Variants in ROBO2 observed in about 807,000 individuals in gnomAD.
ROBO2 encodes roundabout guidance receptor 2, also known as roundabout homolog 2.
In ROBO2, 53 loss-of-function variants were observed where a neutral mutation model predicts 160.8. The observed-to-expected ratio is 0.33, with a 90% CI of 0.26 to 0.41. ROBO2 has a LOEUF of 0.41. Ranked by LOEUF, ROBO2 falls within the 10% of genes least tolerant of loss-of-function variation. The pLI is 1.00. For synonymous variants in ROBO2, 664 were observed against 611.7 expected, an observed-to-expected ratio of 1.09 and a Z score of -1.26; for missense variants, 1,577 against 1,722.4, an observed-to-expected ratio of 0.92 and a Z score of 1.49.
intron 2 of ROBO2, among the ~76,000 whole-genome samples, chr3:76,193,602 A>G (rs1575817224): frequency 1.3e-5 from 2 of 152,170 alleles, no homozygotes; most frequent in African/African-American, 4.8e-5. Flanking sequence ...GTAGAAAATA[A>G]TTTGTTCATT....
intron 2 of ROBO2, among the ~76,000 whole-genome samples, chr3:76,132,432 C>T (rs991192367): frequency 2.0e-5 from 3 of 149,100 alleles, no homozygotes; most frequent in East Asian, 2.0e-4. Context: ...GCATAAACCA[C>T]GTTTGTCCAA....
At chr3:76,103,413 A>G (rs2069784621) in intron 2 of ROBO2, among the ~76,000 whole-genome samples, 1 of 152,186 alleles carries the variant, frequency 6.6e-6, no homozygotes, top group East Asian at 1.9e-4. Context: ...TTTCTAACTG[A>G]AGAAAACAGA....
chr3:76,155,620 G>T (rs915149281), intron 2 of ROBO2, among the ~76,000 whole-genome samples: 1 of 152,132 alleles, frequency 6.6e-6, no homozygotes, highest in African/African-American at 2.4e-5. Context: ...CCATGAAAGC[G>T]TTTTCTAGGA....
intron 2 of ROBO2, among the ~76,000 whole-genome samples, chr3:76,478,680 GTTTTTTTTTTTT>G (rs1042265916): frequency 8.3e-6 from 1 of 120,928 alleles, no homozygotes; most frequent in African/African-American, 3.1e-5. Context: ...TTTTTTCTCT[GTTTTTTTTTTTT>G]TTTTTTTGAG....
intron 2 of ROBO2, among the ~76,000 whole-genome samples, chr3:77,328,997 G>A (rs756878088): frequency 7.9e-5 from 12 of 152,108 alleles, no homozygotes; most frequent in Non-Finnish European, 1.5e-4. Flanking sequence ...TTTTCCTTGC[G>A]TTCTCTTGTC....
chr3:76,790,352 A>G (rs1024402285), intron 2 of ROBO2, among the ~76,000 whole-genome samples: 3 of 151,710 alleles, frequency 2.0e-5, no homozygotes, highest in Non-Finnish European at 4.4e-5. Flanking sequence ...GGAGTTGCAG[A>G]GTACGTTTTC....
intron 2 of ROBO2, among the ~76,000 whole-genome samples, chr3:75,983,423 T>C (rs1436640327): frequency 6.6e-6 from 1 of 151,424 alleles, no homozygotes; most frequent in Non-Finnish European, 1.5e-5. Flanking sequence ...ACTTAAAATA[T>C]TCTTTAGTTT....
chr3:76,884,116 T>C (rs867371070), intron 2 of ROBO2, among the ~76,000 whole-genome samples: 43 of 152,348 alleles, frequency 2.8e-4, no homozygotes, highest in African/African-American at 1.0e-3. Context: ...CTTCATATGC[T>C]TTTTTGATAG....
At chr3:77,515,080 T>A (rs928426674) in intron 5 of ROBO2, among the ~76,000 whole-genome samples, 1 of 151,808 alleles carries the variant, frequency 6.6e-6, no homozygotes, top group African/African-American at 2.4e-5. Context: ...ATTTTGAAGT[T>A]ACTTAGACAT....
chr3:76,521,124 C>A (rs1023740871), intron 2 of ROBO2, among the ~76,000 whole-genome samples: 1 of 149,000 alleles, frequency 6.7e-6, no homozygotes, highest in African/African-American at 2.5e-5. Context: ...TCTCAACTCA[C>A]CGCAACCTTT....
intron 2 of ROBO2, among the ~76,000 whole-genome samples, chr3:77,212,261 T>C (rs575039058): frequency 1.1e-3 from 173 of 152,330 alleles, no homozygotes; most frequent in African/African-American, 3.9e-3. Context: ...TGAGCAGTGC[T>C]TTGTAGTTCT....
intron 2 of ROBO2, chr3:76,311,562 AGCT>A (rs2071587740): frequency 6.6e-6 from 1 of 152,244 alleles, no homozygotes. Flanking sequence ...CGTTGCAGAT[AGCT>A]AGAAAGAAGA....
intron 2 of ROBO2, among the ~76,000 whole-genome samples, chr3:76,290,686 G>A (rs1708758892): frequency 6.6e-6 from 1 of 152,034 alleles, no homozygotes; most frequent in Non-Finnish European, 1.5e-5. Context: ...CTATTTTGAG[G>A]TGTGTTCCTT....
At chr3:76,134,030 G>A (rs922147929) in intron 2 of ROBO2, among the ~76,000 whole-genome samples, 2 of 151,958 alleles carry the variant, frequency 1.3e-5, no homozygotes, top group African/African-American at 2.4e-5. Context: ...TTATTCTTAG[G>A]CTTGTCATTT....
chr3:76,910,725 C>CAAAA (rs10662303), intron 2 of ROBO2, among the ~76,000 whole-genome samples: 14 of 35,496 alleles, frequency 3.9e-4, no homozygotes, highest in Non-Finnish European at 4.5e-4. Flanking sequence ...AACTCTGTCT[C>CAAAA]AAAAAAAAAA....
At chr3:77,445,648 A>G (rs961253783) in intron 2 of ROBO2, among the ~76,000 whole-genome samples, 3 of 152,118 alleles carry the variant, frequency 2.0e-5, no homozygotes, top group African/African-American at 7.2e-5. Flanking sequence ...CAATTTAAAT[A>G]TAGATATAGC....
At chr3:76,412,259 A>G (rs1260143073) in intron 2 of ROBO2, among the ~76,000 whole-genome samples, 1 of 152,164 alleles carries the variant, frequency 6.6e-6, no homozygotes, top group Non-Finnish European at 1.5e-5. Context: ...TACTCCCACA[A>G]CACGTGGGAA....
At chr3:76,854,778 T>C (rs1224305255) in intron 2 of ROBO2, among the ~76,000 whole-genome samples, 3 of 152,170 alleles carry the variant, frequency 2.0e-5, no homozygotes, top group African/African-American at 7.2e-5. Flanking sequence ...TAGAAATGTG[T>C]ATTATTAAAT....
intron 2 of ROBO2, among the ~76,000 whole-genome samples, chr3:76,279,029 A>G (rs1016083894): frequency 2.0e-5 from 3 of 151,898 alleles, no homozygotes; most frequent in Non-Finnish European, 4.4e-5. Flanking sequence ...TTAAATATTA[A>G]TAGTGTTATT....
Sources: allele counts gnomAD v4.1 joint callset (sites outside exome capture counted in the v4.1 genomes callset), GRCh38; gene constraint gnomAD v4.1.1; transcripts MANE v1.5; gene names NCBI Gene and HGNC (gene_info 2026-07-23, HGNC 2026-07-21).